The following ISY1 variants were observed in gnomAD, a reference collection of about 807,000 sequenced individuals.
The protein encoded by ISY1 is ISY1 spliceosome associated protein.
Under a neutral mutation model 54.4 loss-of-function variants are expected in ISY1, and 12 were observed. That is an observed-to-expected ratio of 0.22 (90% confidence interval 0.14 to 0.36). The LOEUF (loss-of-function observed/expected upper bound fraction) is 0.36, where lower values mean the gene tolerates loss of function less well. ISY1 is among the 10% of genes least tolerant of loss of function. ISY1 has a pLI of 1.00. For synonymous variants in ISY1, 96 were observed against 117.9 expected, an observed-to-expected ratio of 0.81 and a Z score of 1.20; for missense variants, 282 against 342.2, an observed-to-expected ratio of 0.82 and a Z score of 1.39.
chr3:129,159,450 T>C (rs1354561556), intron 1 of ISY1, among the ~76,000 whole-genome samples: 1 of 152,208 alleles, frequency 6.6e-6, no homozygotes, highest in Non-Finnish European at 1.5e-5. Context: ...ACTTGTGTCA[T>C]GACCACCCAG....
chr3:129,141,746 T>A (rs1244981191), intron 6 of ISY1, among the ~76,000 whole-genome samples: 1 of 150,548 alleles, frequency 6.6e-6, no homozygotes, highest in Non-Finnish European at 1.5e-5. Flanking sequence ...AGAGCAAGAC[T>A]CCGTCTCAAA....
intron 7 of ISY1, among the ~76,000 whole-genome samples, chr3:129,135,877 G>C (rs749009390): frequency 6.6e-6 from 1 of 152,028 alleles, no homozygotes; most frequent in African/African-American, 2.4e-5. Context: ...ACCTATGATT[G>C]TAAATTGCAG....
chr3:129,137,475 CA>C (rs1207309462), intron 7 of ISY1, among the ~76,000 whole-genome samples: 2 of 151,910 alleles, frequency 1.3e-5, no homozygotes, highest in Non-Finnish European at 2.9e-5. Flanking sequence ...AATGTAAATG[CA>C]AAAAACCTAA....
chr3:129,133,617 C>T (rs1936300282), intron 9 of ISY1, among the ~76,000 whole-genome samples: 1 of 152,186 alleles, frequency 6.6e-6, no homozygotes, highest in African/African-American at 2.4e-5. Flanking sequence ...TTGCTTGAAC[C>T]CGGAAGGCAG....
At chr3:129,149,639 A>C (rs28841985) in intron 5 of ISY1, among the ~76,000 whole-genome samples, 1 of 124,964 alleles carries the variant, frequency 8.0e-6, no homozygotes, top group African/African-American at 3.0e-5. Flanking sequence ...ATATATATAC[A>C]CAAAAAAAAT....
chr3:129,154,199 C>T (rs183511277), intron 5 of ISY1, among the ~76,000 whole-genome samples: 197 of 144,690 alleles, frequency 1.4e-3, no homozygotes, highest in Non-Finnish European at 2.2e-3. Flanking sequence ...GCTGAGATGG[C>T]GCCACTGCAC....
chr3:129,138,998 G>T (rs963559290), intron 7 of ISY1, among the ~76,000 whole-genome samples: 1 of 151,106 alleles, frequency 6.6e-6, no homozygotes, highest in Non-Finnish European at 1.5e-5. Flanking sequence ...GCAGTGGGAC[G>T]ATCTCGGCTC....
chr3:129,130,459 AG>A, intron 10 of ISY1, 90 bp downstream of exon 10: 2 of 1,489,236 alleles, frequency 1.3e-6, no homozygotes, highest in Non-Finnish European at 1.8e-6. Flanking sequence ...CCTGATGGGT[AG>A]GAAGGACAAC....
In ISY1 at chr3:129,140,381, C is replaced by A; in HGVS notation, c.405G>T (p.Leu135=). The stretch of plus-strand genomic sequence containing the variant: ...AAACTTACTTACGTTCTTTTTCAAA[C>A]AGCTCTCTAACACCAGGCAAATCTT... The part of the protein sequence containing the change: ...AAKDLPGVRE[L]FEKEPLPPPR... Residue 135 remains leucine (L), a synonymous_variant, in exon 7 of 11, where the codon CTG becomes CTT. Coordinates refer to ENST00000393295, the MANE Select transcript of ISY1 (RefSeq NM_020701.4). 6.2e-7 allele frequency: 1 copy of A among 1,603,218 alleles called. No individual in the cohort carries two copies. Among genetic ancestry groups the A allele is most frequent in the Non-Finnish European group, 8.5e-7 (1 of 1,177,394 alleles).
rs770380063 is a variant in ISY1, at chr3:129,130,590, T to G, written c.710A>C (p.Gln237Pro). 1.2e-6 allele frequency: 2 copies of G among 1,614,224 alleles called. No individual in the cohort carries two copies. The highest frequency in any genetic ancestry group is 1.7e-6 in the Non-Finnish European group (2 of 1,180,030). Residue 237 changes from glutamine (Q) to proline (P), a missense_variant, in exon 10 of 11, where the codon CAG becomes CCG. This residue lies in a region of ISY1 where 279 missense variants were observed against 323.6 expected (regional missense o/e 0.86). Coordinates refer to ENST00000393295, the MANE Select transcript of ISY1 (RefSeq NM_020701.4). ...AACAGGGACGTGAGCAATGAACTTC[T>G]GCTGGCTGTCGTCCCCTCCTTTCTC... ...SQEKGGDDSQ[Q>P]KFIAHVPVPS...
intron 8 of ISY1, among the ~76,000 whole-genome samples, 169 bp downstream of exon 8, chr3:129,134,663 T>A (rs186753410): frequency 1.3e-5 from 2 of 152,238 alleles, no homozygotes; most frequent in African/African-American, 4.8e-5. Flanking sequence ...CCCACACAGC[T>A]TTGACTGCCT....
chr3:129,138,912 T>C, intron 7 of ISY1, among the ~76,000 whole-genome samples: 1 of 151,912 alleles, frequency 6.6e-6, no homozygotes, highest in Non-Finnish European at 1.5e-5. Context: ...ATGTGAGTGG[T>C]TTTTTTCTGA....
chr3:129,130,999 C>G (rs565028367), intron 9 of ISY1, among the ~76,000 whole-genome samples: 205 of 152,280 alleles, frequency 1.3e-3, no homozygotes, highest in Admixed American at 4.3e-3. Context: ...AAAGAATGTA[C>G]CATGCATAGA....
intron 3 of ISY1, among the ~76,000 whole-genome samples, chr3:129,157,152 G>A (rs1179180765): frequency 1.3e-5 from 2 of 152,126 alleles, no homozygotes; most frequent in Non-Finnish European, 1.5e-5. Context: ...CTGCAATAGA[G>A]AGACAGCCAA....
At chr3:129,135,070 T>A (rs1576871353) in intron 7 of ISY1, 116 bp from the exon 8 acceptor site, 2 of 1,344,004 alleles carry the variant, frequency 1.5e-6, no homozygotes, top group Non-Finnish European at 1.9e-6. Context: ...AAATACCAGG[T>A]GGGCGCAGTG....
chr3:129,136,701 T>G (rs1936412782), intron 7 of ISY1, among the ~76,000 whole-genome samples: 2 of 150,346 alleles, frequency 1.3e-5, no homozygotes, highest in Non-Finnish European at 3.0e-5. Flanking sequence ...CTTTTTTTTT[T>G]TTTTTAAAGA....
chr3:129,133,978 C>G, intron 9 of ISY1, 96 bp downstream of exon 9: 1 of 1,572,854 alleles, frequency 6.4e-7, no homozygotes, highest in Non-Finnish European at 8.6e-7. Flanking sequence ...GGGCTGTGAA[C>G]CCTGACTCTG....
intron 1 of ISY1, among the ~76,000 whole-genome samples, chr3:129,159,454 C>G (rs1937239282): frequency 6.6e-6 from 1 of 152,106 alleles, no homozygotes; most frequent in Non-Finnish European, 1.5e-5. Flanking sequence ...GTGTCATGAC[C>G]ACCCAGAACA....
intron 5 of ISY1, among the ~76,000 whole-genome samples, chr3:129,154,789 T>C (rs1228219150): frequency 6.6e-6 from 1 of 151,184 alleles, no homozygotes; most frequent in Non-Finnish European, 1.5e-5. Context: ...CTTGGGTTCA[T>C]GCCATTCTCC....
Sources: gnomAD v4.1 joint callset for allele counts (sites outside exome capture counted in the v4.1 genomes callset) on GRCh38, gnomAD v4.1.1 for gene constraint, gnomAD v4.1.1 regional missense constraint, MANE v1.5 for transcripts, NCBI Gene and HGNC (gene_info 2026-07-23, HGNC 2026-07-21) for gene names.